NFIA: variants seen among roughly 807,000 people sequenced by gnomAD.
NFIA encodes nuclear factor 1 A-type.
NFIA carries 8 observed loss-of-function variants against 62.8 expected under a neutral mutation model. The ratio of observed to expected loss-of-function variants is 0.13; its 90% CI spans 0.07 to 0.23. The LOEUF (loss-of-function observed/expected upper bound fraction) is 0.23, where lower values mean the gene tolerates loss of function less well. NFIA is among the 10% of genes least tolerant of loss of function. The pLI is 1.00. For synonymous variants in NFIA, 235 were observed against 238.1 expected (o/e 0.99, Z 0.12); for missense variants, 410 against 642.1 (o/e 0.64, Z 3.91).
At chr1:61,108,076 C>G (rs1489592128) in intron 2 of NFIA, among the ~76,000 whole-genome samples, 10 of 151,616 alleles carry the variant, frequency 6.6e-5, no homozygotes, top group African/African-American at 2.4e-4. Flanking sequence ...CTTGATAAAG[C>G]AAAATTTCAC....
intron 2 of NFIA, among the ~76,000 whole-genome samples, chr1:61,257,861 G>GTTTTTTTTTTTTTTT (rs58077067): frequency 2.3e-4 from 29 of 126,436 alleles, no homozygotes; most frequent in African/African-American, 3.6e-4. Context: ...ATGCTTAGCT[G>GTTTTTTTTTTTTTTT]TTTTTTTTTT....
intron 4 of NFIA, among the ~76,000 whole-genome samples, chr1:61,343,790 A>G (rs917617983): frequency 6.6e-6 from 1 of 152,186 alleles, no homozygotes; most frequent in African/African-American, 2.4e-5. Context: ...CAGAGAAAGT[A>G]CCTTTATGAT....
chr1:61,403,043 T>C (rs1331928988), intron 7 of NFIA, among the ~76,000 whole-genome samples: 1 of 152,256 alleles, frequency 6.6e-6, no homozygotes, highest in African/African-American at 2.4e-5. Context: ...TGAGTCATTC[T>C]TGGTATTGGA....
At chr1:61,390,301 A>G (rs1040486881) in intron 7 of NFIA, among the ~76,000 whole-genome samples, 1 of 152,192 alleles carries the variant, frequency 6.6e-6, no homozygotes, top group Non-Finnish European at 1.5e-5. Flanking sequence ...AAATGCAAAC[A>G]TGAGGTTAAA....
At chr1:61,409,582 A>T (rs12074710) in intron 9 of NFIA, among the ~76,000 whole-genome samples, 9,923 of 152,244 alleles carry the variant, frequency 0.065, 1,079 homozygotes, top group African/African-American at 0.23. Context: ...ATATTTTTTT[A>T]AATCAGAAGA....
chr1:61,262,518 G>T (rs1656827526), intron 2 of NFIA, among the ~76,000 whole-genome samples: 1 of 152,228 alleles, frequency 6.6e-6, no homozygotes, highest in Admixed American at 6.5e-5. Context: ...CCAACTGGAA[G>T]AATGTATATC....
chr1:61,222,430 T>C (rs1367520616), intron 2 of NFIA, among the ~76,000 whole-genome samples: 1 of 152,132 alleles, frequency 6.6e-6, no homozygotes, highest in African/African-American at 2.4e-5. Context: ...CATTCTTGAA[T>C]CATCTGTTAC....
intron 2 of NFIA, among the ~76,000 whole-genome samples, chr1:61,200,084 A>G (rs1396697150): frequency 7.5e-6 from 1 of 133,242 alleles, no homozygotes; most frequent in African/African-American, 2.8e-5. Flanking sequence ...ATGTTGAGCT[A>G]GAATTATGCA....
intron 6 of NFIA, among the ~76,000 whole-genome samples, chr1:61,361,564 A>G (rs903835260): frequency 2.0e-5 from 3 of 152,154 alleles, no homozygotes; most frequent in African/African-American, 7.2e-5. Flanking sequence ...GCTGAGCTCT[A>G]GGTCCTTGCA....
chr1:61,107,013 C>A (rs1051595651), intron 2 of NFIA, among the ~76,000 whole-genome samples: 4 of 151,264 alleles, frequency 2.6e-5, no homozygotes, highest in Non-Finnish European at 5.9e-5. Flanking sequence ...TTTCACTCTA[C>A]AATATGTTCA....
chr1:61,260,967 T>G (rs1157598020), intron 2 of NFIA, among the ~76,000 whole-genome samples: 2 of 152,212 alleles, frequency 1.3e-5, no homozygotes, highest in African/African-American at 4.8e-5. Flanking sequence ...ATTTCTAAAG[T>G]TATTTAGTGT....
chr1:61,389,715 T>A (rs1664872588), intron 7 of NFIA, among the ~76,000 whole-genome samples: 1 of 151,464 alleles, frequency 6.6e-6, no homozygotes, highest in East Asian at 2.0e-4. Context: ...CTTTTGATAA[T>A]CATAATATAA....
At chr1:61,374,905 G>A (rs933549767) in intron 6 of NFIA, among the ~76,000 whole-genome samples, 7 of 151,962 alleles carry the variant, frequency 4.6e-5, no homozygotes, top group East Asian at 1.9e-4. Flanking sequence ...CCTTTTTATC[G>A]TTGAGTGTGC....
intron 2 of NFIA, among the ~76,000 whole-genome samples, chr1:61,123,931 T>C (rs1351860650): frequency 6.6e-6 from 1 of 152,244 alleles, no homozygotes; most frequent in African/African-American, 2.4e-5. Flanking sequence ...GTAAAAACCT[T>C]TCTGTTTTAC....
chr1:61,398,148 G>T (rs536934740), intron 7 of NFIA, among the ~76,000 whole-genome samples: 2 of 152,296 alleles, frequency 1.3e-5, no homozygotes, highest in East Asian at 3.9e-4. Flanking sequence ...ACACAGCCGC[G>T]CTCATTTGTT....
In NFIA at chr1:61,406,719, C is replaced by A; in HGVS notation, c.1412C>A (p.Thr471Lys). 1 of 1,608,198 alleles carries A rather than the reference C, an allele frequency of 6.2e-7. No individual in the cohort carries two copies. Among genetic ancestry groups the A allele is most frequent in the Non-Finnish European group, 8.5e-7 (1 of 1,177,342 alleles). ...ACAGAAGGAGGTGCAGCCTCCCCCA[C>A]GTCACCAAGTAAGTATGGCTGCGAC... ...TSTEGGAASP[T>K]SPTYSTPSTS... Residue 471 changes from threonine (T) to lysine (K), a missense_variant, in exon 9 of 11, where the codon ACG becomes AAG. Physicochemically the swap from Thr to Lys is moderately conservative, Grantham distance 78 (BLOSUM62 -1). This residue lies in a region of NFIA where 298 missense variants were observed against 438.1 expected (regional missense o/e 0.68). Transcript: ENST00000403491.
At chr1:61,378,008 A>ATT (rs1488006509) in intron 6 of NFIA, among the ~76,000 whole-genome samples, 2 of 152,184 alleles carry the variant, frequency 1.3e-5, no homozygotes, top group African/African-American at 2.4e-5. Context: ...CCCCTTTAAG[A>ATT]AGATACCTAA....
At chr1:61,107,814 T>A (rs2100447528) in intron 2 of NFIA, among the ~76,000 whole-genome samples, 1 of 151,818 alleles carries the variant, frequency 6.6e-6, no homozygotes, top group South Asian at 2.1e-4. Context: ...AGGTTTGTAT[T>A]CCATCCGGAA....
intron 5 of NFIA, among the ~76,000 whole-genome samples, chr1:61,358,187 C>T (rs554054667): frequency 3.9e-5 from 6 of 152,106 alleles, no homozygotes; most frequent in African/African-American, 1.4e-4. Context: ...TCTCAGGGGA[C>T]AGAGCACTCC....
Sources: gnomAD v4.1 joint callset for allele counts (sites outside exome capture counted in the v4.1 genomes callset) on GRCh38, gnomAD v4.1.1 for gene constraint, gnomAD v4.1.1 regional missense constraint, MANE v1.5 for transcripts, NCBI Gene and HGNC (gene_info 2026-07-23, HGNC 2026-07-21) for gene names.